The following PARP9 variants were observed in gnomAD, a reference collection of about 807,000 sequenced individuals.
PARP9 encodes the protein protein mono-ADP-ribosyltransferase PARP9.
In PARP9, 48 loss-of-function variants were observed where a neutral mutation model predicts 68.8. The ratio of observed to expected loss-of-function variants is 0.70; its 90% CI spans 0.55 to 0.89. PARP9 has a LOEUF of 0.89. Ranked by LOEUF, PARP9 falls within the 40% of genes least tolerant of loss-of-function variation. The pLI, the probability that PARP9 is intolerant of heterozygous loss-of-function variation, is 0.00. For synonymous variants in PARP9, 309 were observed against 333.8 expected (o/e 0.93, Z 0.81); for missense variants, 806 against 969.3 (o/e 0.83, Z 2.24).
In PARP9 at chr3:122,536,996, G is replaced by C. The variant is rs140671147; in HGVS notation, c.1843C>G (p.Pro615Ala). 7 of 1,613,762 alleles carry C rather than the reference G, an allele frequency of 4.3e-6. No individual in the cohort carries two copies. In the African/African-American group the frequency reaches 8.0e-5, roughly 18 times the overall value. Residue 615 changes from proline to alanine, a missense_variant, in exon 9 of 11, where the codon CCA becomes GCA. Pro to Ala is a conservative substitution (Grantham distance 27). Around this residue, in one of 2 missense-constraint regions of PARP9, gnomAD observed 680 missense variants for 858.8 expected, o/e 0.79. Coordinates refer to ENST00000682323, the MANE Select transcript of PARP9 (RefSeq NM_001146105.2). ...NIIFLKCPVP[P>A]TQELLDQKKQ... ...TTTTGATCTAGAAGCTCTTGAGTTG[G>C]AGGCACAGGACATTTCAGAAATATG...
intron 8 of PARP9, among the ~76,000 whole-genome samples, chr3:122,538,822 T>C (rs959954932): frequency 6.6e-6 from 1 of 151,618 alleles, no homozygotes; most frequent in Non-Finnish European, 1.5e-5. Context: ...AAAATCATAA[T>C]CTTGGTTCTT....
At chr3:122,539,138 G>A (rs368159724) in intron 8 of PARP9, among the ~76,000 whole-genome samples, 7 of 152,090 alleles carry the variant, frequency 4.6e-5, no homozygotes, top group Admixed American at 2.0e-4. Context: ...ACTCTTTCAC[G>A]TGATTTATAA....
At chr3:122,559,254 A>C (rs1288047238) in intron 2 of PARP9, among the ~76,000 whole-genome samples, 1 of 152,200 alleles carries the variant, frequency 6.6e-6, no homozygotes, top group African/African-American at 2.4e-5. Context: ...CTTAATGTGG[A>C]ATTTTCAAGT....
intron 1 of PARP9, among the ~76,000 whole-genome samples, chr3:122,563,321 G>A (rs2080398297): frequency 2.0e-5 from 3 of 152,134 alleles, no homozygotes; most frequent in South Asian, 2.1e-4. Context: ...GAGATGTGAT[G>A]TAAGTATAAG....
At chr3:122,544,576 G>A (rs890851829) in intron 7 of PARP9, among the ~76,000 whole-genome samples, 15 of 152,038 alleles carry the variant, frequency 9.9e-5, no homozygotes, top group Non-Finnish European at 1.0e-4. Flanking sequence ...CAACATTTTC[G>A]GAGGTGGAGG....
rs749926440 is a variant in PARP9, at chr3:122,540,829, T to G, written c.1408A>C (p.Lys470Gln). The G allele has an allele frequency of 1.4e-4, 222 of 1,613,518 alleles. No individual in the cohort carries two copies. The highest frequency in any genetic ancestry group is 1.9e-4 in the Non-Finnish European group (219 of 1,179,858). ...CTAGCTTCAAGCCCATTTTCTCTTTTCTCCTCTCTGGTTGACTGGGGGACT... is the reference window on the plus strand; with the variant it reads ...CTAGCTTCAAGCCCATTTTCTCTTTGCTCCTCTCTGGTTGACTGGGGGACT... The part of the protein sequence containing the change: ...YSVPQSTREE[K>Q]RENGLEARSP... The change falls in exon 8 of 11, where the codon AAA becomes CAA. Residue 470 changes from lysine to glutamine, a missense_variant. Physicochemically the swap from Lys to Gln is moderately conservative, Grantham distance 53 (BLOSUM62 1). Coordinates refer to ENST00000682323, the MANE Select transcript of PARP9 (RefSeq NM_001146105.2).
chr3:122,528,660 T>C lies in PARP9; in HGVS notation c.2164A>G (p.Lys722Glu). ...EKAKKISAAD[K>E]LIYVFEAEVL... Reference sequence around the variant, plus strand: ...TCAGCCTCAAACACATAGATCAGCTTATCTGCAGCAGAGATTTTCTTGGCC... The same window carrying C: ...TCAGCCTCAAACACATAGATCAGCTCATCTGCAGCAGAGATTTTCTTGGCC... The change falls in exon 11 of 11, where the codon AAG becomes GAG. Residue 722 changes from lysine (K) to glutamate (E), a missense_variant. Transcript: ENST00000682323. 6.2e-7 allele frequency: 1 copy of C among 1,614,150 alleles called. No individual in the cohort carries two copies. Among genetic ancestry groups the C allele is most frequent in the Non-Finnish European group, 8.5e-7 (1 of 1,180,018 alleles).
chr3:122,531,573 T>G (rs891198113), intron 10 of PARP9, among the ~76,000 whole-genome samples: 1 of 152,198 alleles, frequency 6.6e-6, no homozygotes, highest in Non-Finnish European at 1.5e-5. Context: ...CTGGCCAACA[T>G]GGTGAAACCC....
chr3:122,547,730 G>T (rs1304015369), intron 6 of PARP9, among the ~76,000 whole-genome samples: 1 of 152,044 alleles, frequency 6.6e-6, no homozygotes, highest in Non-Finnish European at 1.5e-5. Context: ...GCGCATGCCT[G>T]TAGGTCTAAC....
At chr3:122,534,097 A>C (rs2077479731) in intron 10 of PARP9, 1 of 977,218 alleles carries the variant, frequency 1.0e-6, no homozygotes, top group African/African-American at 1.8e-5. Flanking sequence ...GATAGGGAGA[A>C]GGGCAGAGCA....
intron 8 of PARP9, among the ~76,000 whole-genome samples, chr3:122,539,506 C>CCTTTCTTTCTTTCTTTCTTTCTTTCTTT (rs1559818279): frequency 7.9e-6 from 1 of 125,906 alleles, no homozygotes; most frequent in Admixed American, 7.9e-5. Context: ...CCCAAGATGG[C>CCTTTCTTTCTTTCTTTCTTTCTTTCTTT]ATTTCTTTCT....
Position 122,555,430 on chromosome 3 carries a change from G to T in PARP9, c.741C>A (p.Asp247Glu). ...CAGCTTTAAAGGCAGCAACAGTAGG[G>T]TCCTCATTGCTCACCAGGTGAATTT... is the stretch of plus-strand genomic sequence containing the variant. The part of the protein sequence containing the change: ...LKEIHLVSNE[D>E]PTVAAFKAAS... Residue 247 changes from aspartate (D) to glutamate (E), a missense_variant, in exon 4 of 11, where the codon GAC becomes GAA. By Grantham distance (45) the Asp-to-Glu change is conservative. Coordinates refer to ENST00000682323, the MANE Select transcript of PARP9 (RefSeq NM_001146105.2). 1 of 1,614,070 alleles carries T rather than the reference G, an allele frequency of 6.2e-7. No homozygotes were observed. The highest frequency in any genetic ancestry group is 2.2e-5 in the East Asian group (1 of 44,874).
intron 6 of PARP9, among the ~76,000 whole-genome samples, chr3:122,547,146 G>T (rs1271959990): frequency 7.2e-6 from 1 of 138,502 alleles, no homozygotes; most frequent in African/African-American, 2.7e-5. Context: ...CCTGGCTGGC[G>T]TGCAGTGGTG....
intron 10 of PARP9, 148 bp downstream of exon 10, chr3:122,536,020 G>T: frequency 6.5e-7 from 1 of 1,529,930 alleles, no homozygotes; most frequent in South Asian, 1.3e-5. Context: ...AAAATACTTT[G>T]TGACCTGGGT....
intron 10 of PARP9, chr3:122,535,843 C>CA (rs10716375): frequency 0.011 from 10,510 of 974,986 alleles, 52 homozygotes; most frequent in East Asian, 0.061. Context: ...ATAAGTAAGG[C>CA]AAAAAAAAAA....
At chr3:122,563,168 G>A (rs1052206582) in intron 1 of PARP9, among the ~76,000 whole-genome samples, 1 of 152,170 alleles carries the variant, frequency 6.6e-6, no homozygotes, top group Non-Finnish European at 1.5e-5. Context: ...AATCTGGCAA[G>A]TCATTTTCTT....
At chr3:122,554,394 C>T (rs1032879248) in intron 4 of PARP9, among the ~76,000 whole-genome samples, 1 of 152,090 alleles carries the variant, frequency 6.6e-6, no homozygotes, top group African/African-American at 2.4e-5. Context: ...GATGGTTTTT[C>T]TCCCCAGAGA....
chr3:122,544,699 G>A (rs1419811896), intron 7 of PARP9, among the ~76,000 whole-genome samples: 5 of 152,172 alleles, frequency 3.3e-5, no homozygotes, highest in African/African-American at 1.2e-4. Context: ...AGCTGGGTGT[G>A]GTGGCATGTG....
At chr3:122,541,661 GA>G (rs1576399497) in intron 7 of PARP9, among the ~76,000 whole-genome samples, 1 of 152,194 alleles carries the variant, frequency 6.6e-6, no homozygotes, top group South Asian at 2.1e-4. Flanking sequence ...ATGGAAAGAA[GA>G]AATACCTGTA....
Sources: gnomAD v4.1 joint callset for allele counts (sites outside exome capture counted in the v4.1 genomes callset) on GRCh38, gnomAD v4.1.1 for gene constraint, gnomAD v4.1.1 regional missense constraint, MANE v1.5 for transcripts, NCBI Gene and HGNC (gene_info 2026-07-23, HGNC 2026-07-21) for gene names.